MYO18B: variants seen among roughly 807,000 people sequenced by gnomAD.
MYO18B encodes the protein unconventional myosin-XVIIIb.
MYO18B carries 204 observed loss-of-function variants against 273.0 expected under a neutral mutation model. The observed-to-expected ratio is 0.75, with a 90% CI of 0.67 to 0.84. The LOEUF is 0.84. Ranked by LOEUF, MYO18B falls within the 40% of genes least tolerant of loss-of-function variation. The pLI is 0.00. For missense variants in MYO18B, 3,212 were observed against 3,287.6 expected, an observed-to-expected ratio of 0.98 and a Z score of 0.56; for synonymous variants, 1,330 against 1,305.7, an observed-to-expected ratio of 1.02 and a Z score of -0.40.
At chr22:26,006,517 A>G (rs544340602) in intron 42 of MYO18B, 143 of 283,270 alleles carry the variant, frequency 5.0e-4, no homozygotes, top group African/African-American at 3.1e-3. Flanking sequence ...AGCATAATCT[A>G]TAGGAAAACG....
chr22:25,754,623 T>A (rs1324269311), intron 1 of MYO18B, among the ~76,000 whole-genome samples: 1 of 152,206 alleles, frequency 6.6e-6, no homozygotes, highest in African/African-American at 2.4e-5. Context: ...CAAATGTCTA[T>A]GGCCACCTCA....
intron 33 of MYO18B, among the ~76,000 whole-genome samples, chr22:25,915,058 T>A (rs739283): frequency 0.41 from 62,158 of 151,300 alleles, 13,304 homozygotes; most frequent in African/African-American, 0.49. Context: ...AAAAAAAAAA[T>A]GTTATACTTT....
At chr22:26,018,436 A>G (rs1213826255) in intron 42 of MYO18B, among the ~76,000 whole-genome samples, 1 of 152,020 alleles carries the variant, frequency 6.6e-6, no homozygotes, top group East Asian at 1.9e-4. Flanking sequence ...CCTTGCTTTG[A>G]ACTTCCCTCT....
intron 20 of MYO18B, among the ~76,000 whole-genome samples, chr22:25,849,471 T>C (rs537657985): frequency 6.6e-6 from 1 of 152,310 alleles, no homozygotes; most frequent in South Asian, 2.1e-4. Context: ...TCTGTGCATA[T>C]ATAATATATA....
At chr22:25,919,043 GC>G (rs2092302354) in intron 33 of MYO18B, among the ~76,000 whole-genome samples, 1 of 152,132 alleles carries the variant, frequency 6.6e-6, no homozygotes, top group Non-Finnish European at 1.5e-5. Flanking sequence ...TTTGTAACCT[GC>G]CCCTCAACTC....
rs182237570 is a variant in MYO18B, at chr22:26,009,674, C to T, written c.6470+4819C>T. Among the ~76,000 whole-genome samples, 15 of 152,260 alleles carry T rather than the reference C, an allele frequency of 9.9e-5. No individual in the cohort carries two copies. In the East Asian group the frequency reaches 2.9e-3, roughly 29 times the overall value. ...CCACTGTTGAACATTTCATGGAACT[C>T]TATCTGCTTGGCCTTGACAAGATTT... On this transcript the variant is annotated intron_variant, in intron 42 of 43. Coordinates refer to ENST00000335473, the MANE Select transcript of MYO18B (RefSeq NM_032608.7).
At chr22:25,980,733 G>T (rs539882289) in intron 39 of MYO18B, among the ~76,000 whole-genome samples, 1 of 152,280 alleles carries the variant, frequency 6.6e-6, no homozygotes, top group African/African-American at 2.4e-5. Flanking sequence ...GAAAAGCAAA[G>T]CAACGGTGTT....
chr22:25,909,931 C>T (rs2092123267), intron 32 of MYO18B, among the ~76,000 whole-genome samples: 1 of 152,144 alleles, frequency 6.6e-6, no homozygotes, highest in African/African-American at 2.4e-5. Context: ...CGGATTTTCC[C>T]TGGGTCTTAG....
intron 25 of MYO18B, among the ~76,000 whole-genome samples, chr22:25,887,530 G>T (rs2091536998): frequency 6.6e-6 from 1 of 152,124 alleles, no homozygotes. Flanking sequence ...GATCCGGAGA[G>T]GTTTTCAAGA....
intron 39 of MYO18B, among the ~76,000 whole-genome samples, chr22:25,982,616 C>T (rs563224668): frequency 1.4e-4 from 22 of 152,298 alleles, no homozygotes; most frequent in African/African-American, 5.3e-4. Context: ...GCCAGCATTT[C>T]TTGGCTCCTG....
At chr22:25,933,079 G>A (rs940959235) in intron 34 of MYO18B, among the ~76,000 whole-genome samples, 9 of 152,050 alleles carry the variant, frequency 5.9e-5, no homozygotes, top group African/African-American at 1.2e-4. Flanking sequence ...TCCTCAGTCT[G>A]TCTTTTTTTA....
intron 42 of MYO18B, among the ~76,000 whole-genome samples, chr22:26,007,927 T>C (rs1934566926): frequency 6.6e-6 from 1 of 152,224 alleles, no homozygotes; most frequent in Non-Finnish European, 1.5e-5. Context: ...TCCATCATCT[T>C]CAGTTTGGTG....
intron 3 of MYO18B, among the ~76,000 whole-genome samples, chr22:25,767,019 G>A (rs1476653264): frequency 6.6e-6 from 1 of 152,208 alleles, no homozygotes; most frequent in Non-Finnish European, 1.5e-5. Flanking sequence ...AAGAGGAGGG[G>A]GAGAATCCCA....
In MYO18B at chr22:25,952,351, C is replaced by G; in HGVS notation, c.5898C>G (p.Ser1966Arg). 1 of 1,612,532 alleles carries G rather than the reference C, an allele frequency of 6.2e-7. No individual in the cohort carries two copies. The highest frequency in any genetic ancestry group is 8.5e-7 in the Non-Finnish European group (1 of 1,179,348). The change falls in exon 38 of 44, where the codon AGC (serine) becomes AGG (arginine). Residue 1966 changes from serine to arginine, a missense_variant. Physicochemically the swap from Ser to Arg is moderately radical, Grantham distance 110. Coordinates refer to ENST00000335473, the MANE Select transcript of MYO18B (RefSeq NM_032608.7). ...CCACCGTGGATCGAGCCATCGTCAGCAGGCAGGAGGCGGTCATCTGTGACC... is the reference window on the plus strand; with the variant it reads ...CCACCGTGGATCGAGCCATCGTCAGGAGGCAGGAGGCGGTCATCTGTGACC... ...EQSTVDRAIVSRQEAVICDLE... is the reference protein window; with the variant it reads ...EQSTVDRAIVRRQEAVICDLE...
In MYO18B at chr22:25,851,565, A is replaced by G; in HGVS notation, c.3871A>G (p.Ile1291Val). ...GAAGCTCATGTCGACCTCCGAGGGA[A>G]TAGATGAAAGGAAGGTAGGTGGAGC... Reference protein sequence around the residue: ...LKKLMSTSEGIDERKAVEELL... With the variant: ...LKKLMSTSEGVDERKAVEELL... Residue 1291 changes from isoleucine to valine, a missense_variant, in exon 21 of 44, where the codon ATA becomes GTA. Transcript: ENST00000335473. 6.4e-7 allele frequency: 1 copy of G among 1,556,300 alleles called. No homozygotes were observed. The highest frequency in any genetic ancestry group is 8.7e-7 in the Non-Finnish European group (1 of 1,149,358).
At chr22:25,913,208 T>C (rs2092193583) in intron 33 of MYO18B, among the ~76,000 whole-genome samples, 1 of 152,236 alleles carries the variant, frequency 6.6e-6, no homozygotes, top group African/African-American at 2.4e-5. Context: ...CCATCGTCAC[T>C]AGCCGTGTCT....
chr22:25,768,203 C>G lies in MYO18B; in HGVS notation c.287C>G (p.Ser96Ter). 1 of 1,613,990 alleles carries G rather than the reference C, an allele frequency of 6.2e-7. No homozygotes were observed. The highest frequency in any genetic ancestry group is 8.5e-7 in the Non-Finnish European group (1 of 1,179,894). Residue 96 changes from serine (S) to a stop codon, truncating the protein, a stop_gained, in exon 4 of 44, where the codon TCA becomes TGA. Transcript: ENST00000335473. LOFTEE classifies it high-confidence loss of function. The part of the protein sequence containing the change: ...GSQQISQDDQ[S>*]SSPGSSDILG... Reference sequence around the variant, plus strand: ...CAGCAGATCTCTCAGGACGACCAGTCAAGCTCTCCTGGGAGCTCAGACATT... The same window carrying G: ...CAGCAGATCTCTCAGGACGACCAGTGAAGCTCTCCTGGGAGCTCAGACATT...
chr22:26,040,625 C>T, the MYO18B span, among the ~76,000 whole-genome samples: 1 of 152,096 alleles, frequency 6.6e-6, no homozygotes, highest in Non-Finnish European at 1.5e-5. Flanking sequence ...GAGAAGGCCT[C>T]CTTGGGAAAT....
At chr22:25,954,059 G>C (rs569374635) in intron 38 of MYO18B, among the ~76,000 whole-genome samples, 3 of 152,318 alleles carry the variant, frequency 2.0e-5, no homozygotes, top group Admixed American at 6.5e-5. Context: ...AAAGTCCTTA[G>C]CAGGGGCTTG....
Sources: allele counts gnomAD v4.1 joint callset (sites outside exome capture counted in the v4.1 genomes callset), GRCh38; gene constraint gnomAD v4.1.1; transcripts MANE v1.5; gene names NCBI Gene and HGNC (gene_info 2026-07-23, HGNC 2026-07-21).